CACNA1C: variants seen among roughly 807,000 people sequenced by gnomAD.
CACNA1C encodes voltage-dependent L-type calcium channel subunit alpha-1C.
A neutral mutation model predicts 229.0 loss-of-function variants in CACNA1C; 30 were observed. The observed-to-expected ratio is 0.13, with a 90% CI of 0.10 to 0.18. The LOEUF (loss-of-function observed/expected upper bound fraction) is 0.18. Among genes scored for constraint, CACNA1C ranks in the 10% least tolerant of loss-of-function variants. CACNA1C has a pLI of 1.00. For missense variants in CACNA1C, 1,658 were observed against 2,845.0 expected, an observed-to-expected ratio of 0.58 and a Z score of 9.49; for synonymous variants, 1,114 against 1,132.5, an observed-to-expected ratio of 0.98 and a Z score of 0.33.
intron 1 of CACNA1C, among the ~76,000 whole-genome samples, chr12:2,037,648 T>C (rs968740008): frequency 1.8e-4 from 27 of 152,220 alleles, no homozygotes; most frequent in African/African-American, 6.3e-4. Flanking sequence ...GTACCAGTCA[T>C]GGAAGGGTTT....
At chr12:2,669,764 C>T (rs115428449) in intron 38 of CACNA1C, among the ~76,000 whole-genome samples, 3,128 of 152,264 alleles carry the variant, frequency 0.021, 109 homozygotes, top group African/African-American at 0.071. Context: ...TCTTAGCCAG[C>T]GGACAGGTGA....
intron 3 of CACNA1C, among the ~76,000 whole-genome samples, chr12:2,369,403 C>CTTTTTTTTTTT (rs372810217): frequency 1.4e-5 from 2 of 142,050 alleles, no homozygotes; most frequent in African/African-American, 2.6e-5. Context: ...CTTTACATAC[C>CTTTTTTTTTTT]TTTTTTTTTT....
At chr12:2,626,876 C>T (rs1396552226) in intron 29 of CACNA1C, among the ~76,000 whole-genome samples, 1 of 152,106 alleles carries the variant, frequency 6.6e-6, no homozygotes, top group African/African-American at 2.4e-5. Flanking sequence ...CTAGTAAGTG[C>T]TTATTATGTG....
rs1017432480 is a variant in CACNA1C at position 2,632,206 on chromosome 12, A to G, written c.3829-2091A>G. On this transcript the variant is annotated intron_variant, in intron 29 of 46. Transcript: ENST00000399655. The surrounding 1 kb of genome is among the most constrained non-coding windows in gnomAD (Gnocchi z 4.1). ...GACCATTTCTAAACTAAAGGCGTGA[A>G]TGTTTTTTCTTAAAGAAGACAAATC... Among the ~76,000 whole-genome samples the G allele has an allele frequency of 1.3e-5, 2 of 152,058 alleles. No individual in the cohort carries two copies. The highest frequency in any genetic ancestry group is 2.4e-5 in the African/African-American group (1 of 41,382).
intron 9 of CACNA1C, among the ~76,000 whole-genome samples, chr12:2,514,046 TA>T (rs2099790863): frequency 6.6e-6 from 1 of 152,200 alleles, no homozygotes; most frequent in Non-Finnish European, 1.5e-5. Flanking sequence ...CAGCCTTACT[TA>T]AAAACAGTTT....
chr12:1,990,096 C>A (rs915586723), intron 1 of CACNA1C, among the ~76,000 whole-genome samples: 3 of 152,174 alleles, frequency 2.0e-5, no homozygotes, highest in Non-Finnish European at 2.9e-5. Flanking sequence ...GTTAAGGTTT[C>A]TTGGTTCAAG....
chr12:2,539,328 TAAG>T (rs2099863769), intron 9 of CACNA1C, among the ~76,000 whole-genome samples: 1 of 222 alleles, frequency 4.5e-3, no homozygotes, highest in Admixed American at 0.038. Context: ...TTTAAGGACT[TAAG>T]GAGGGCTTCA....
intron 1 of CACNA1C, among the ~76,000 whole-genome samples, chr12:2,099,089 G>A (rs116844697): frequency 0.016 from 2,504 of 152,368 alleles, 30 homozygotes; most frequent in South Asian, 0.038. Context: ...ACTCTGGACC[G>A]GGGCTTAGTC....
intron 5 of CACNA1C, among the ~76,000 whole-genome samples, chr12:2,468,270 C>T (rs1442240364): frequency 1.3e-5 from 2 of 152,220 alleles, no homozygotes; most frequent in Non-Finnish European, 2.9e-5. Context: ...CACATGTGTG[C>T]TAAGGCACAC....
intron 11 of CACNA1C, among the ~76,000 whole-genome samples, chr12:2,563,376 G>A (rs2048521640): frequency 6.6e-6 from 1 of 152,200 alleles, no homozygotes. Context: ...TCAGTATACA[G>A]ATTGGAAACC....
intron 9 of CACNA1C, among the ~76,000 whole-genome samples, chr12:2,522,643 A>G (rs890469822): frequency 2.0e-5 from 3 of 152,096 alleles, no homozygotes; most frequent in Middle Eastern, 3.4e-3. Flanking sequence ...AGGAGGGGTC[A>G]TTGTTTCACT....
chr12:2,060,206 G>C (rs1240963231), intron 1 of CACNA1C, among the ~76,000 whole-genome samples: 2 of 152,140 alleles, frequency 1.3e-5, no homozygotes, highest in Admixed American at 1.3e-4. Context: ...GAGTGGGATG[G>C]GGATGGGAAG....
chr12:2,407,006 C>T (rs992134880), intron 3 of CACNA1C, among the ~76,000 whole-genome samples: 2 of 152,262 alleles, frequency 1.3e-5, no homozygotes, highest in African/African-American at 4.8e-5. Flanking sequence ...CATCAGCACT[C>T]AGTGAGGCAG....
intron 3 of CACNA1C, among the ~76,000 whole-genome samples, chr12:2,393,716 A>G (rs2098526137): frequency 6.6e-6 from 1 of 152,154 alleles, no homozygotes; most frequent in South Asian, 2.1e-4. Context: ...CTTGGCAGGT[A>G]CTCGTTTTCT....
At chr12:2,300,924 G>A (rs529730280) in intron 3 of CACNA1C, among the ~76,000 whole-genome samples, 5 of 152,312 alleles carry the variant, frequency 3.3e-5, no homozygotes, top group South Asian at 4.2e-4. Flanking sequence ...AAGAGTGACG[G>A]CTGAGATGGG....
intron 3 of CACNA1C, among the ~76,000 whole-genome samples, chr12:2,256,118 C>T (rs2077610388): frequency 6.6e-6 from 1 of 152,216 alleles, no homozygotes; most frequent in African/African-American, 2.4e-5. Flanking sequence ...TTGCACACAA[C>T]TCAGGGATGG....
chr12:2,146,033 G>A (rs1346371988), intron 3 of CACNA1C, among the ~76,000 whole-genome samples: 1 of 151,192 alleles, frequency 6.6e-6, no homozygotes, highest in East Asian at 1.9e-4. Flanking sequence ...AAAGCTCTTT[G>A]TAAATTGTGT....
intron 3 of CACNA1C, among the ~76,000 whole-genome samples, chr12:2,129,894 C>T (rs1483363408): frequency 6.6e-6 from 1 of 152,214 alleles, no homozygotes; most frequent in African/African-American, 2.4e-5. Flanking sequence ...AAGTCCATTA[C>T]AGTTATGTGC....
At chr12:1,989,062 T>C (rs1268384928) in intron 1 of CACNA1C, among the ~76,000 whole-genome samples, 1 of 152,236 alleles carries the variant, frequency 6.6e-6, no homozygotes, top group Non-Finnish European at 1.5e-5. Flanking sequence ...GATTATATCC[T>C]ATATTCAACT....
Sources: allele counts gnomAD v4.1 joint callset (sites outside exome capture counted in the v4.1 genomes callset), GRCh38; gene constraint gnomAD v4.1.1; non-coding constraint Gnocchi (gnomAD v3.1); transcripts MANE v1.5; gene names NCBI Gene and HGNC (gene_info 2026-07-23, HGNC 2026-07-21).